Variants in NAA15 observed in about 807,000 individuals in gnomAD.
NAA15 encodes N-alpha-acetyltransferase 15, NatA auxiliary subunit.
A neutral mutation model predicts 114.0 loss-of-function variants in NAA15; 34 were observed. The ratio of observed to expected loss-of-function variants is 0.30; its 90% confidence interval spans 0.23 to 0.40. The LOEUF (loss-of-function observed/expected upper bound fraction) is 0.40. NAA15 is among the 10% of genes least tolerant of loss of function. The pLI is 1.00. For synonymous variants in NAA15, 340 were observed against 338.0 expected (o/e 1.01, Z -0.06); for missense variants, 658 against 1,004.5 (o/e 0.66, Z 4.66).
intron 1 of NAA15, among the ~76,000 whole-genome samples, chr4:139,328,641 C>T (rs1368551466): frequency 2.0e-5 from 3 of 147,988 alleles, no homozygotes; most frequent in African/African-American, 7.6e-5. Flanking sequence ...GATCTCGGCT[C>T]ACTGTAACCT....
chr4:139,331,547 A>G (rs1385982845), intron 1 of NAA15, among the ~76,000 whole-genome samples: 1 of 149,756 alleles, frequency 6.7e-6, no homozygotes, highest in Non-Finnish European at 1.5e-5. Flanking sequence ...CCCAGCTTCC[A>G]GTGATTCTCC....
chr4:139,325,679 T>C (rs1048489809), intron 1 of NAA15, among the ~76,000 whole-genome samples: 2 of 152,214 alleles, frequency 1.3e-5, no homozygotes, highest in African/African-American at 2.4e-5. Flanking sequence ...GACAGTGTTT[T>C]GTTCTGTCGC....
chr4:139,314,996 T>TGAGG (rs1560952688), intron 1 of NAA15, among the ~76,000 whole-genome samples: 1 of 57,280 alleles, frequency 1.7e-5, no homozygotes, highest in African/African-American at 8.7e-5. Flanking sequence ...TTCAGTTCAG[T>TGAGG]TCAGTTTAGT....
intron 11 of NAA15, among the ~76,000 whole-genome samples, chr4:139,359,290 G>C (rs1748060983): frequency 6.6e-6 from 1 of 151,824 alleles, no homozygotes; most frequent in Non-Finnish European, 1.5e-5. Context: ...CACCACCCTT[G>C]GTTTACTTTG....
At chr4:139,317,191 T>C (rs1290460525) in intron 1 of NAA15, among the ~76,000 whole-genome samples, 1 of 151,862 alleles carries the variant, frequency 6.6e-6, no homozygotes, top group Non-Finnish European at 1.5e-5. Flanking sequence ...GTCTTCAATG[T>C]TTATGCTCTT....
Position 139,390,513 on chromosome 4 carries a change from GT to G in NAA15, c.*2431del, listed in dbSNP as rs1749033276. 6.6e-6 allele frequency: 1 copy of G among 152,634 alleles called. No individual in the cohort carries two copies. Among genetic ancestry groups the G allele is most frequent in the Non-Finnish European group, 1.5e-5 (1 of 68,032 alleles). 9.5% of individuals were successfully genotyped at this position (152,634 alleles called of 1,614,324 possible). Reference sequence around the variant, plus strand: ...AAACAAGTGGAAAAAATGGAGTGATGTTGTAATCTAAACAAGTGCCTTATGT... The same window carrying G: ...AAACAAGTGGAAAAAATGGAGTGATGTGTAATCTAAACAAGTGCCTTATGT... On this transcript the variant is annotated 3_prime_UTR_variant, in exon 20 of 20. Coordinates refer to ENST00000296543, the MANE Select transcript of NAA15 (RefSeq NM_057175.5).
At chr4:139,348,452 CAAAA>C (rs35328479) in intron 6 of NAA15, among the ~76,000 whole-genome samples, 10 of 88,000 alleles carry the variant, frequency 1.1e-4, no homozygotes, top group East Asian at 3.8e-4. Flanking sequence ...GACTGTATCA[CAAAA>C]AAAAAAAAAA....
At chr4:139,377,192 A>G (rs1748602692) in intron 16 of NAA15, among the ~76,000 whole-genome samples, 1 of 148,778 alleles carries the variant, frequency 6.7e-6, no homozygotes, top group Non-Finnish European at 1.5e-5. Context: ...CAGTATATCT[A>G]CTAAAGGAAA....
At chr4:139,325,587 A>C (rs1232229237) in intron 1 of NAA15, among the ~76,000 whole-genome samples, 2 of 152,238 alleles carry the variant, frequency 1.3e-5, no homozygotes, top group Non-Finnish European at 2.9e-5. Context: ...TGGAATCCTG[A>C]ATATTTTAAA....
rs551581608 is a variant in NAA15, at chr4:139,330,614, G to C, written c.55-3560G>C. ...CATAATCGTCTGGTTGAGTTGAAGAGGGGGAATCAACTCTATCTTCAGGAT... is the reference window on the plus strand; with the variant it reads ...CATAATCGTCTGGTTGAGTTGAAGACGGGGAATCAACTCTATCTTCAGGAT... On this transcript the variant is annotated intron_variant, in intron 1 of 19. Coordinates refer to ENST00000296543, the MANE Select transcript of NAA15 (RefSeq NM_057175.5). Among the ~76,000 whole-genome samples, 16 of 152,286 alleles carry C rather than the reference G, an allele frequency of 1.1e-4. No individual in the cohort carries two copies. The South Asian group carries it at 3.3e-3, about 32-fold the overall frequency.
chr4:139,301,546 G>T lies in NAA15; in HGVS notation c.-232G>T. On this transcript the variant is annotated 5_prime_UTR_variant, in exon 1 of 20. Coordinates refer to ENST00000296543, the MANE Select transcript of NAA15 (RefSeq NM_057175.5). ...CTGTTCAGTTACCACGTGAACCGCC[G>T]ACGGAGACCCGTAGTGGGGGAGGCG... The T allele has an allele frequency of 1.7e-6, 1 of 574,392 alleles. No homozygotes were observed. The highest frequency in any genetic ancestry group is 4.7e-4 in the Middle Eastern group (1 of 2,150). The allele number at this position is 574,392 out of a possible 1,614,324, so 35.6% of individuals were successfully genotyped here.
At chr4:139,338,961 C>T (rs999623592) in intron 3 of NAA15, among the ~76,000 whole-genome samples, 9 of 151,926 alleles carry the variant, frequency 5.9e-5, no homozygotes, top group African/African-American at 2.2e-4. Flanking sequence ...CAGGTGCATG[C>T]CACCATACCT....
At chr4:139,384,728 C>A in intron 17 of NAA15, 104 bp from the exon 18 acceptor site, 1 of 711,440 alleles carries the variant, frequency 1.4e-6, no homozygotes, top group Non-Finnish European at 2.0e-6. Flanking sequence ...GTACTCCAGC[C>A]TGGGTGATAG....
chr4:139,316,370 A>G (rs1579086670), intron 1 of NAA15, among the ~76,000 whole-genome samples: 2 of 151,422 alleles, frequency 1.3e-5, no homozygotes, highest in Non-Finnish European at 2.9e-5. Flanking sequence ...AAGCATTCCT[A>G]TTTTCTATCT....
intron 6 of NAA15, among the ~76,000 whole-genome samples, chr4:139,346,824 G>C (rs1747598708): frequency 6.6e-6 from 1 of 152,172 alleles, no homozygotes; most frequent in African/African-American, 2.4e-5. Flanking sequence ...CCCAGCCTAG[G>C]CAAAATTTTT....
chr4:139,372,394 G>A (rs941286622), intron 15 of NAA15, among the ~76,000 whole-genome samples: 7 of 152,144 alleles, frequency 4.6e-5, no homozygotes, highest in African/African-American at 1.7e-4. Context: ...ATTATTTGTA[G>A]CCATGATTGT....
intron 5 of NAA15, among the ~76,000 whole-genome samples, chr4:139,343,796 A>G (rs972327952): frequency 3.9e-5 from 6 of 152,190 alleles, no homozygotes; most frequent in African/African-American, 1.2e-4. Context: ...TTGCTCATCA[A>G]ACTTTCACCA....
At chr4:139,357,327 G>C (rs975770051) in intron 10 of NAA15, 59 bp from the exon 11 acceptor site, 4 of 1,469,426 alleles carry the variant, frequency 2.7e-6, no homozygotes, top group African/African-American at 1.4e-5. Context: ...GACCATTTTG[G>C]GGGGTGCTCT....
At chr4:139,340,131 G>T (rs1747333339) in intron 3 of NAA15, among the ~76,000 whole-genome samples, 1 of 152,054 alleles carries the variant, frequency 6.6e-6, no homozygotes, top group African/African-American at 2.4e-5. Flanking sequence ...AGACCATCTT[G>T]GGCAACATGG....
Sources: gnomAD v4.1 joint callset for allele counts (sites outside exome capture counted in the v4.1 genomes callset) on GRCh38, gnomAD v4.1.1 for gene constraint, MANE v1.5 for transcripts, NCBI Gene and HGNC (gene_info 2026-07-23, HGNC 2026-07-21) for gene names.